The following NDUFA1 variants were observed in gnomAD, a reference collection of about 807,000 sequenced individuals.
NDUFA1 encodes the protein NADH:ubiquinone oxidoreductase subunit A1.
For synonymous variants in NDUFA1, 21 were observed against 20.0 expected (o/e 1.05, Z -0.14); for missense variants, 42 against 56.0 (o/e 0.75, Z 0.80).
In NDUFA1 at chrX:119,875,317, C is replaced by CTTTTTTTTTT. The variant is rs61235666; in HGVS notation, c.193-1181_193-1172dup. Among the ~76,000 whole-genome samples the CTTTTTTTTTT allele has an allele frequency of 6.7e-4, 40 of 59,636 alleles. 3 individuals are homozygous for CTTTTTTTTTT. The highest frequency in any genetic ancestry group is 2.9e-3 in the African/African-American group (39 of 13,513). The allele number at this position is 59,636 out of a possible 115,157, so 51.8% of individuals were successfully genotyped here. On this transcript the variant is annotated intron_variant, in intron 2 of 2. Transcript: ENST00000371437. Reference sequence around the variant, plus strand: ...AGAAGAAGTGTCATCACTGATGAGTCTTTTTTTTTTTTTTTTTTTTTTTTT... The same window carrying CTTTTTTTTTT: ...AGAAGAAGTGTCATCACTGATGAGTCTTTTTTTTTTTTTTTTTTTTTTTTTTTTTTTTTTT...
chrX:119,873,176 T>A (rs977860431), intron 1 of NDUFA1, 128 bp from the exon 2 acceptor site: 3 of 529,909 alleles, frequency 5.7e-6, no homozygotes, highest in African/African-American at 4.7e-5. Context: ...TTCTTTGTAC[T>A]ACTAATTTGC....
chrX:119,872,478 G>A, intron 1 of NDUFA1, among the ~76,000 whole-genome samples: 1 of 109,697 alleles, frequency 9.1e-6, no homozygotes, highest in African/African-American at 3.3e-5. Flanking sequence ...TTAGCTGGGC[G>A]TGGTGGCGCA....
intron 2 of NDUFA1, among the ~76,000 whole-genome samples, chrX:119,873,782 T>A (rs931423857): frequency 1.8e-5 from 2 of 111,267 alleles, no homozygotes; most frequent in African/African-American, 6.5e-5. Flanking sequence ...ATGTATCATG[T>A]TTTGTTGTTC....
At chrX:119,875,276 A>G (rs1357209902) in intron 2 of NDUFA1, among the ~76,000 whole-genome samples, 1 of 99,238 alleles carries the variant, frequency 1.0e-5, no homozygotes, top group African/African-American at 3.8e-5. Context: ...TACCTGGACT[A>G]TGTTATTTAA....
rs368852646 is a variant in NDUFA1 at position 119,872,000 on chromosome X, C to G, written c.89C>G (p.Thr30Ser). 6.9e-5 allele frequency: 83 copies of G among 1,210,624 alleles called. No homozygotes were observed. The South Asian group carries it at 1.2e-3, about 17-fold the overall frequency. ...GLATAYIHRF[T>S]NGGKEKRVAH... ...GCTACTGCGTACATCCACAGGTTCA[C>G]TAACGGGGGCAAGGTAAGCCGGCTT... The change falls in exon 1 of 3, where the codon ACT becomes AGT. Residue 30 changes from threonine (T) to serine (S), a missense_variant. Coordinates refer to ENST00000371437, the MANE Select transcript of NDUFA1 (RefSeq NM_004541.4).
At chrX:119,875,998 A>C (rs775824582) in intron 2 of NDUFA1, among the ~76,000 whole-genome samples, 16 of 110,547 alleles carry the variant, frequency 1.4e-4, no homozygotes, top group African/African-American at 4.9e-4. Flanking sequence ...TGAGGTCGGG[A>C]GTTCTAGACC....
At chrX:119,874,795 C>T (rs1347676245) in intron 2 of NDUFA1, among the ~76,000 whole-genome samples, 1 of 111,706 alleles carries the variant, frequency 9.0e-6, no homozygotes, top group Non-Finnish European at 1.9e-5. Flanking sequence ...AACTCCTGAC[C>T]TCAAGTGATC....
In NDUFA1 at chrX:119,872,012, A is replaced by AGGAAAAAAGGGTTGCTCATTTTG. The variant is rs1462893179; in HGVS notation, c.102+1_102+2insAAAAAAGGGTTGCTCATTTTGGG. The AGGAAAAAAGGGTTGCTCATTTTG allele has an allele frequency of 8.3e-7, 1 of 1,210,537 alleles. No homozygotes were observed. The highest frequency in any genetic ancestry group is 3.0e-5 in the East Asian group (1 of 33,837). On this transcript the variant is annotated frameshift_variant and splice_region_variant, in exon 1 of 3. Transcript: ENST00000371437. LOFTEE classifies it high-confidence loss of function. ...ATCCACAGGTTCACTAACGGGGGCAAGGTAAGCCGGCTTCGGCCCGGGGGC... is the reference window on the plus strand; with the variant it reads ...ATCCACAGGTTCACTAACGGGGGCAAGGAAAAAAGGGTTGCTCATTTTGGGTAAGCCGGCTTCGGCCCGGGGGC...
At chrX:119,873,045 CTTTTTT>C (rs373911727) in intron 1 of NDUFA1, among the ~76,000 whole-genome samples, 1 of 81,991 alleles carries the variant, frequency 1.2e-5, no homozygotes, top group Non-Finnish European at 2.4e-5. Context: ...CTAGATATTT[CTTTTTT>C]TTTTTTTTTA....
At position 119,876,651 on chromosome X, in the gene NDUFA1, A is replaced by C. The variant is rs2056438391; in HGVS notation, c.*117A>C. The C allele has an allele frequency of 4.6e-6, 3 of 659,090 alleles. No individual in the cohort carries two copies. The East Asian group carries it at 9.9e-5, about 22-fold the overall frequency. The allele number at this position is 659,090 out of a possible 1,213,427, so 54.3% of individuals were successfully genotyped here. ...TGTTATGTAGTGCTTAATAAAAATA[A>C]AATGAAAAAAATGCATTTCTTTTTT... On this transcript the variant is annotated 3_prime_UTR_variant, in exon 3 of 3. Transcript: ENST00000371437.
intron 1 of NDUFA1, among the ~76,000 whole-genome samples, 175 bp downstream of exon 1, chrX:119,872,188 T>A (rs1286305641): frequency 1.8e-5 from 2 of 112,314 alleles, no homozygotes; most frequent in Non-Finnish European, 3.8e-5. Context: ...CATCCTGCTC[T>A]AGTGAAAAAC....
intron 1 of NDUFA1, among the ~76,000 whole-genome samples, chrX:119,872,981 G>C (rs1197831002): frequency 1.9e-5 from 2 of 104,970 alleles, no homozygotes; most frequent in African/African-American, 7.0e-5. Context: ...TTTTGTTATT[G>C]TTCTTCACGT....
At chrX:119,873,515 C>CGCTCACTAGTAAAAAAAAAAT (rs1237610851) in intron 2 of NDUFA1, 122 bp downstream of exon 2, 1 of 447,090 alleles carries the variant, frequency 2.2e-6, no homozygotes, top group East Asian at 4.0e-5. Context: ...GTGAGGTTGG[C>CGCTCACTAGTAAAAAAAAAAT]ATCTTTTTAC....
chrX:119,871,837 C>A lies in NDUFA1; in HGVS notation c.-75C>A. On this transcript the variant is annotated 5_prime_UTR_variant, in exon 1 of 3. The change creates a new upstream start codon in the 5' untranslated region. Transcript: ENST00000371437. ...CGCTCGCGGGCGGCCGCGGGGCTTG[C>A]TGGGAAGAGAGGCGAAGCCAGGTCA... 1 of 1,129,804 alleles carries A rather than the reference C, an allele frequency of 8.9e-7. No homozygotes were observed. Among genetic ancestry groups the A allele is most frequent in the Non-Finnish European group, 1.2e-6 (1 of 820,202 alleles). The allele number at this position is 1,129,804 out of a possible 1,213,427, so 93.1% of individuals were successfully genotyped here. A position where few individuals can be genotyped will look rare whatever the true frequency, so the allele number is the denominator to read the frequency against.
chrX:119,873,070 G>A (rs866030223), intron 1 of NDUFA1, among the ~76,000 whole-genome samples: 4 of 97,555 alleles, frequency 4.1e-5, no homozygotes, highest in Non-Finnish European at 4.1e-5. Context: ...TAAAAAAAAA[G>A]GAAAAAAAAT....
At chrX:119,874,131 G>A (rs1337259398) in intron 2 of NDUFA1, among the ~76,000 whole-genome samples, 2 of 110,321 alleles carry the variant, frequency 1.8e-5, no homozygotes, top group African/African-American at 3.3e-5. Flanking sequence ...GCTAGTTATC[G>A]CAATTACCCA....
intron 2 of NDUFA1, among the ~76,000 whole-genome samples, chrX:119,874,590 G>T (rs111793104): frequency 0.086 from 9,555 of 110,511 alleles, 399 homozygotes; most frequent in Middle Eastern, 0.18. Context: ...AAGGTCTCAC[G>T]CTGTCACTCA....
rs375728559 is a variant in NDUFA1, at chrX:119,871,956, C to T, written c.45C>T (p.Cys15=). 48 of 1,211,343 alleles carry T rather than the reference C, an allele frequency of 4.0e-5. No individual in the cohort carries two copies. Among genetic ancestry groups the T allele is most frequent in the Non-Finnish European group, 5.1e-5 (46 of 895,406 alleles). The change falls in exon 1 of 3, where the codon TGC becomes TGT. Residue 15 remains cysteine (C), a synonymous_variant. Coordinates refer to ENST00000371437, the MANE Select transcript of NDUFA1 (RefSeq NM_004541.4). The part of the protein sequence containing the change: ...ILPGLSVMGV[C]LLIPGLATAY... ...CCGGACTCTCCGTCATGGGCGTGTG[C>T]TTGTTGATTCCAGGACTGGCTACTG...
chrX:119,873,576 A>G (rs1379354473), intron 2 of NDUFA1, among the ~76,000 whole-genome samples, 183 bp downstream of exon 2: 1 of 106,345 alleles, frequency 9.4e-6, no homozygotes, highest in Non-Finnish European at 1.9e-5. Context: ...CTTCTGTCAT[A>G]TATTTCTTAT....
Sources: gnomAD v4.1 joint callset for allele counts (sites outside exome capture counted in the v4.1 genomes callset) on GRCh38, gnomAD v4.1.1 for gene constraint, MANE v1.5 for transcripts, NCBI Gene and HGNC (gene_info 2026-07-23, HGNC 2026-07-21) for gene names.